STAU2: variants seen among roughly 807,000 people sequenced by gnomAD.
STAU2 encodes the protein double-stranded RNA-binding protein Staufen homolog 2.
STAU2 carries 20 observed loss-of-function variants against 65.9 expected under a neutral mutation model. The ratio of observed to expected loss-of-function variants is 0.30; its 90% CI spans 0.21 to 0.44. STAU2 has a LOEUF of 0.44. Ranked by LOEUF, STAU2 falls within the 20% of genes least tolerant of loss-of-function variation. The probability of loss-of-function intolerance (pLI) is 1.00; values close to 1 mark genes in which losing one functional copy is unlikely to be tolerated. For synonymous variants in STAU2, 232 were observed against 233.9 expected (o/e 0.99, Z 0.07); for missense variants, 558 against 683.9 (o/e 0.82, Z 2.05).
intron 4 of STAU2, among the ~76,000 whole-genome samples, chr8:73,698,077 C>A (rs967502853): frequency 6.6e-6 from 1 of 151,338 alleles, no homozygotes; most frequent in South Asian, 2.1e-4. Context: ...AATACTCTGT[C>A]TCAAAAAAAA....
intron 3 of STAU2, among the ~76,000 whole-genome samples, chr8:73,734,887 G>A (rs1300941836): frequency 6.6e-6 from 1 of 152,024 alleles, no homozygotes; most frequent in African/African-American, 2.4e-5. Flanking sequence ...TAGAGACAAC[G>A]TTGAAAATCA....
intron 1 of STAU2, among the ~76,000 whole-genome samples, chr8:73,740,314 A>G (rs1354313338): frequency 6.6e-6 from 1 of 152,254 alleles, no homozygotes; most frequent in East Asian, 1.9e-4. Flanking sequence ...AATAAATAAG[A>G]CTATCCTGTC....
intron 12 of STAU2, among the ~76,000 whole-genome samples, chr8:73,577,697 ATCAG>A (rs1247697158): frequency 6.6e-6 from 1 of 152,168 alleles, no homozygotes; most frequent in East Asian, 1.9e-4. Flanking sequence ...TCAGAGTCCC[ATCAG>A]CAGCATGTGA....
chr8:73,490,661 A>ATC, intron 13 of STAU2, among the ~76,000 whole-genome samples: 1 of 152,146 alleles, frequency 6.6e-6, no homozygotes, highest in South Asian at 2.1e-4. Flanking sequence ...TGATCTGTAG[A>ATC]AATTGCTGTG....
Position 73,688,040 on chromosome 8 carries a change from ACT to A in STAU2, c.274+612_274+613del, listed in dbSNP as rs1192120275. On this transcript the variant is annotated intron_variant, in intron 5 of 14. Transcript: ENST00000524300. The stretch of plus-strand genomic sequence containing the variant: ...ACTATCTTTACTTTAAAAAAAAAAA[ACT>A]CAGTCAAATTTTCTGTGCTTTGTAT... Among the ~76,000 whole-genome samples the A allele has an allele frequency of 7.9e-5, 12 of 151,048 alleles. No homozygotes were observed. The East Asian group carries it at 2.4e-3, about 30-fold the overall frequency.
At chr8:73,658,686 G>C (rs943414080) in intron 6 of STAU2, among the ~76,000 whole-genome samples, 1 of 151,852 alleles carries the variant, frequency 6.6e-6, no homozygotes, top group Non-Finnish European at 1.5e-5. Context: ...AGCCCGAGGC[G>C]GGTGAATCAC....
At position 73,420,589 on chromosome 8, in the gene STAU2, G is replaced by C. The variant is rs913001136; in HGVS notation, c.*783C>G. 1.1e-5 allele frequency: 2 copies of C among 182,570 alleles called. No individual in the cohort carries two copies. The highest frequency in any genetic ancestry group is 4.6e-5 in the African/African-American group (2 of 43,156). 11.3% of individuals were successfully genotyped at this position (182,570 alleles called of 1,614,324 possible). ...GAGTGGCTACAACACACGGATGGGG[G>C]TGGGCGCGATTCCCACAACAGGGAG... On this transcript the variant is annotated 3_prime_UTR_variant, in exon 15 of 15. Coordinates refer to ENST00000524300, the MANE Select transcript of STAU2 (RefSeq NM_001164380.2).
intron 6 of STAU2, among the ~76,000 whole-genome samples, chr8:73,629,589 C>A (rs1813938666): frequency 6.6e-6 from 1 of 152,154 alleles, no homozygotes; most frequent in Non-Finnish European, 1.5e-5. Context: ...ACATGGAGAT[C>A]TCCTGTCAGA....
chr8:73,533,330 A>AT (rs1805949026), intron 13 of STAU2, among the ~76,000 whole-genome samples: 1 of 152,206 alleles, frequency 6.6e-6, no homozygotes, highest in South Asian at 2.1e-4. Context: ...AAATTTCAAT[A>AT]TATCAATTAA....
At chr8:73,509,346 TCTA>T (rs1822252600) in intron 13 of STAU2, among the ~76,000 whole-genome samples, 1 of 152,224 alleles carries the variant, frequency 6.6e-6, no homozygotes, top group Non-Finnish European at 1.5e-5. Flanking sequence ...TGGGTTGTCT[TCTA>T]ATTATTGAGA....
chr8:73,609,551 G>A (rs1812289349), intron 9 of STAU2, among the ~76,000 whole-genome samples: 1 of 151,918 alleles, frequency 6.6e-6, no homozygotes, highest in Non-Finnish European at 1.5e-5. Flanking sequence ...CTACTCGGGA[G>A]GCTGAGGCAG....
rs546310121 is a variant in STAU2 at position 73,460,209 on chromosome 8, G to T, written c.1531-37507C>A. 6.0e-4 allele frequency among the ~76,000 whole-genome samples: 91 copies of T among 152,292 alleles called. 1 individual carries two copies. In the South Asian group the frequency reaches 0.011, roughly 19 times the overall value. ...TTCCTTCTAGCCTCTTCGATGCTAC[G>T]GAATAGCTGTGGTCTCTATATTTAA... On this transcript the variant is annotated intron_variant, in intron 13 of 14. Coordinates refer to ENST00000524300, the MANE Select transcript of STAU2 (RefSeq NM_001164380.2).
chr8:73,588,514 G>C lies in STAU2; in HGVS notation c.1162-5684C>G, dbSNP rs7820246. 7.2e-5 allele frequency among the ~76,000 whole-genome samples: 11 copies of C among 152,186 alleles called. No individual in the cohort carries two copies. The East Asian group carries it at 1.9e-3, about 27-fold the overall frequency. ...AATGCAGCTGGTTAATGGCTGCACT[G>C]AGGGATAAGCACAGAACCTTGCCAC... On this transcript the variant is annotated intron_variant, in intron 11 of 14. Transcript: ENST00000524300.
chr8:73,582,521 G>C (rs1810063148), intron 12 of STAU2, among the ~76,000 whole-genome samples: 1 of 151,160 alleles, frequency 6.6e-6, no homozygotes, highest in Admixed American at 6.6e-5. Flanking sequence ...CTTTAAAAAA[G>C]CATGTGATCA....
intron 1 of STAU2, among the ~76,000 whole-genome samples, chr8:73,740,289 A>G (rs1806752932): frequency 6.6e-6 from 1 of 152,242 alleles, no homozygotes; most frequent in African/African-American, 2.4e-5. Context: ...ATTCTGGTGC[A>G]ATGTGCTATG....
intron 13 of STAU2, among the ~76,000 whole-genome samples, chr8:73,462,862 C>T (rs1341281753): frequency 6.6e-6 from 1 of 151,924 alleles, no homozygotes; most frequent in Admixed American, 6.6e-5. Context: ...CTTTGAGTGC[C>T]TTTAGAGTAT....
chr8:73,425,238 T>C (rs531868489), intron 13 of STAU2, among the ~76,000 whole-genome samples: 6 of 152,276 alleles, frequency 3.9e-5, no homozygotes, highest in Admixed American at 2.0e-4. Context: ...TTAGTTAAGA[T>C]GAGGTCATAC....
At position 73,529,672 on chromosome 8, in the gene STAU2, C is replaced by T. The variant is rs373172192; in HGVS notation, c.1530+22340G>A. Among the ~76,000 whole-genome samples the T allele has an allele frequency of 6.2e-4, 94 of 152,310 alleles. No homozygotes were observed. In the South Asian group the frequency reaches 0.018, roughly 30 times the overall value. On this transcript the variant is annotated intron_variant, in intron 13 of 14. Coordinates refer to ENST00000524300, the MANE Select transcript of STAU2 (RefSeq NM_001164380.2). ...ATTTTTCTCCCAACTGTATACAATTCACTGTGAAGCCTGCAAGTACTAATA... is the reference window on the plus strand; with the variant it reads ...ATTTTTCTCCCAACTGTATACAATTTACTGTGAAGCCTGCAAGTACTAATA...
At chr8:73,716,569 G>A (rs575952507) in intron 3 of STAU2, among the ~76,000 whole-genome samples, 1 of 152,272 alleles carries the variant, frequency 6.6e-6, no homozygotes, top group South Asian at 2.1e-4. Context: ...TATTTAGTTT[G>A]GTCAGTCTTC....
Sources: gnomAD v4.1 joint callset for allele counts (sites outside exome capture counted in the v4.1 genomes callset) on GRCh38, gnomAD v4.1.1 for gene constraint, MANE v1.5 for transcripts, NCBI Gene and HGNC (gene_info 2026-07-23, HGNC 2026-07-21) for gene names.